Variants in RWDD4 observed in about 807,000 individuals in gnomAD.
RWDD4 encodes RWD domain containing 4.
In RWDD4, 16 loss-of-function variants were observed where a neutral mutation model predicts 30.0. The ratio of observed to expected loss-of-function variants is 0.53; its 90% CI spans 0.36 to 0.81. RWDD4 has a LOEUF of 0.81. RWDD4 is among the 30% of genes least tolerant of loss of function. RWDD4 has a pLI of 0.00. For missense variants in RWDD4, 170 were observed against 223.9 expected, an observed-to-expected ratio of 0.76 and a Z score of 1.54; for synonymous variants, 45 against 72.1, an observed-to-expected ratio of 0.62 and a Z score of 1.90.
intron 5 of RWDD4, among the ~76,000 whole-genome samples, chr4:183,646,926 T>A (rs1294114475): frequency 6.6e-6 from 1 of 152,194 alleles, no homozygotes; most frequent in Non-Finnish European, 1.5e-5. Context: ...TTTAATAAAT[T>A]AGCATTTCGC....
At chr4:183,651,630 C>T (rs80183513) in intron 2 of RWDD4, among the ~76,000 whole-genome samples, 10,685 of 151,956 alleles carry the variant, frequency 0.07, 419 homozygotes, top group Middle Eastern at 0.11. Flanking sequence ...TAGTGTTTTC[C>T]GAGGATGAAA....
Position 183,641,267 on chromosome 4 carries a change from A to G in RWDD4, c.*169T>C. The G allele has an allele frequency of 1.6e-6, 1 of 641,254 alleles. No individual in the cohort carries two copies. The highest frequency in any genetic ancestry group is 2.8e-6 in the Non-Finnish European group (1 of 357,204). 39.7% of individuals were successfully genotyped at this position (641,254 alleles called of 1,614,324 possible). ...CAAGTTTGTGAAAATAATTTAATAC[A>G]ACAAGATCTCTTCATGAACTTTCAA... On this transcript the variant is annotated 3_prime_UTR_variant, in exon 8 of 8. Coordinates refer to ENST00000326397, the MANE Select transcript of RWDD4 (RefSeq NM_152682.4).
At chr4:183,656,981 G>A (rs1051324620) in intron 1 of RWDD4, among the ~76,000 whole-genome samples, 36 of 152,310 alleles carry the variant, frequency 2.4e-4, no homozygotes, top group Non-Finnish European at 4.3e-4. Flanking sequence ...AGCCGAGATC[G>A]GGCCACTGCA....
At position 183,652,300 on chromosome 4, in the gene RWDD4, C is replaced by T. The variant is rs1004066087; in HGVS notation, c.106-973G>A. Among the ~76,000 whole-genome samples the T allele has an allele frequency of 4.0e-5, 6 of 151,314 alleles. No individual in the cohort carries two copies. The East Asian group carries it at 5.8e-4, about 15-fold the overall frequency. ...ATCCATTGAGGGATCATGGACTGCACGAGTTGTTATGCCTCTTTATTCTGC... is the reference window on the plus strand; with the variant it reads ...ATCCATTGAGGGATCATGGACTGCATGAGTTGTTATGCCTCTTTATTCTGC... On this transcript the variant is annotated intron_variant, in intron 2 of 7. Coordinates refer to ENST00000326397, the MANE Select transcript of RWDD4 (RefSeq NM_152682.4).
Position 183,658,868 on chromosome 4 carries a change from G to A in RWDD4, c.24+61C>T, listed in dbSNP as rs1172768421. The A allele has an allele frequency of 1.3e-5, 16 of 1,216,970 alleles. No individual in the cohort carries two copies. The East Asian group carries it at 4.1e-4, about 31-fold the overall frequency. 75.4% of individuals were successfully genotyped at this position (1,216,970 alleles called of 1,614,324 possible). ...AGGCTGTCCGGGCACCAGGTCTCAC[G>A]GGGGCCCGGGGCTGCGCGCCGCGCC... On this transcript the variant is annotated intron_variant, in intron 1 of 7. Coordinates refer to ENST00000326397, the MANE Select transcript of RWDD4 (RefSeq NM_152682.4).
intron 1 of RWDD4, among the ~76,000 whole-genome samples, chr4:183,656,314 C>A (rs982244608): frequency 1.3e-5 from 2 of 152,168 alleles, no homozygotes; most frequent in South Asian, 4.1e-4. Flanking sequence ...TGGCTAAAGA[C>A]GAACCTGGGT....
intron 5 of RWDD4, among the ~76,000 whole-genome samples, chr4:183,647,459 T>A (rs1299361483): frequency 6.6e-6 from 1 of 152,178 alleles, no homozygotes; most frequent in Non-Finnish European, 1.5e-5. Context: ...AGGGGGCACA[T>A]CACCAATTTT....
chr4:183,641,070 C>T lies in RWDD4; in HGVS notation c.*366G>A, dbSNP rs1046167748. Reference sequence around the variant, plus strand: ...ACTGTTCACTGAGTACTCCGCTCCACTGGGATGATAGTTTGAAAAGGGCTT... The same window carrying T: ...ACTGTTCACTGAGTACTCCGCTCCATTGGGATGATAGTTTGAAAAGGGCTT... On this transcript the variant is annotated 3_prime_UTR_variant, in exon 8 of 8. Coordinates refer to ENST00000326397, the MANE Select transcript of RWDD4 (RefSeq NM_152682.4). The T allele has an allele frequency of 4.8e-5, 12 of 251,424 alleles. No individual in the cohort carries two copies. Among genetic ancestry groups the T allele is most frequent in the Middle Eastern group, 1.3e-3 (1 of 762 alleles). 15.6% of individuals were successfully genotyped at this position (251,424 alleles called of 1,614,324 possible).
chr4:183,643,473 C>CTATTACGAT (rs1179467567), intron 7 of RWDD4, among the ~76,000 whole-genome samples: 4 of 116,880 alleles, frequency 3.4e-5, no homozygotes, highest in Non-Finnish European at 5.3e-5. Flanking sequence ...CATCATCTTA[C>CTATTACGAT]TATTACGATG....
At chr4:183,648,187 T>TGAGCCGA (rs369369056) in intron 5 of RWDD4, among the ~76,000 whole-genome samples, 39,194 of 149,968 alleles carry the variant, frequency 0.26, 6,178 homozygotes, top group African/African-American at 0.45. Flanking sequence ...GAGGTTGCAG[T>TGAGCCGA]GATCGCGCCA....
intron 2 of RWDD4, among the ~76,000 whole-genome samples, chr4:183,652,807 T>C (rs1734110345): frequency 7.9e-6 from 1 of 126,802 alleles, no homozygotes; most frequent in South Asian, 2.2e-4. Context: ...AGACTCCATC[T>C]CAAAAAAAAA....
chr4:183,643,115 TAAAA>T lies in RWDD4; in HGVS notation c.535-1651_535-1648del, dbSNP rs57474200. Among the ~76,000 whole-genome samples the T allele has an allele frequency of 3.7e-3, 401 of 109,400 alleles. 2 individuals are homozygous for T. The highest frequency in any genetic ancestry group is 0.013 in the African/African-American group (386 of 30,572). 71.8% of individuals were successfully genotyped at this position (109,400 alleles called of 152,430 possible). ...ATAAATAAATAAATAAAATAAAAAT[TAAAA>T]AAAAAAAAAAAAGAAAACGGGTTAA... On this transcript the variant is annotated intron_variant, in intron 7 of 7. Transcript: ENST00000326397.
chr4:183,646,027 C>T (rs1052955501), intron 7 of RWDD4, among the ~76,000 whole-genome samples: 1 of 152,142 alleles, frequency 6.6e-6, no homozygotes, highest in Non-Finnish European at 1.5e-5. Flanking sequence ...CCTCAGCCTC[C>T]TGAGTAGTTG....
intron 2 of RWDD4, among the ~76,000 whole-genome samples, chr4:183,652,564 C>G (rs1331828993): frequency 6.6e-6 from 1 of 151,962 alleles, no homozygotes; most frequent in Non-Finnish European, 1.5e-5. Flanking sequence ...GTACTCTCAG[C>G]ACTTTGGGAG....
At chr4:183,655,426 C>T (rs866755849) in intron 2 of RWDD4, among the ~76,000 whole-genome samples, 2 of 151,724 alleles carry the variant, frequency 1.3e-5, no homozygotes, top group South Asian at 2.1e-4. Context: ...GGACTACAGG[C>T]GCCCGCCACC....
rs193096055 is a variant in RWDD4 at position 183,643,989 on chromosome 4, T to G, written c.534+2362A>C. Among the ~76,000 whole-genome samples, 362 of 152,308 alleles carry G rather than the reference T, an allele frequency of 2.4e-3. 1 individual carries two copies. The Middle Eastern group carries it at 0.027, about 11-fold the overall frequency. On this transcript the variant is annotated intron_variant, in intron 7 of 7. Coordinates refer to ENST00000326397, the MANE Select transcript of RWDD4 (RefSeq NM_152682.4). ...CTCCCAAGATTACTGGTAATTTGAA[T>G]TTTACTCTTTGTTACAAATTGGAAT...
intron 7 of RWDD4, among the ~76,000 whole-genome samples, chr4:183,642,185 ATTTTTT>A (rs1009902870): frequency 2.1e-5 from 2 of 97,152 alleles, no homozygotes; most frequent in Non-Finnish European, 1.9e-5. Flanking sequence ...CATTCTTAAA[ATTTTTT>A]TTTTTTTTTT....
chr4:183,655,563 TGA>T (rs1420575129), intron 2 of RWDD4, among the ~76,000 whole-genome samples: 1 of 152,078 alleles, frequency 6.6e-6, no homozygotes, highest in Non-Finnish European at 1.5e-5. Flanking sequence ...GGATTACAGG[TGA>T]GAGCCACCGC....
chr4:183,646,934 C>T (rs1216859460), intron 5 of RWDD4, among the ~76,000 whole-genome samples: 3 of 152,128 alleles, frequency 2.0e-5, no homozygotes, highest in East Asian at 1.9e-4. Context: ...ATTAGCATTT[C>T]GCACCCAGAA....
Sources: gnomAD v4.1 joint callset for allele counts (sites outside exome capture counted in the v4.1 genomes callset) on GRCh38, gnomAD v4.1.1 for gene constraint, MANE v1.5 for transcripts, NCBI Gene and HGNC (gene_info 2026-07-23, HGNC 2026-07-21) for gene names.